ADAM22: variants seen among roughly 807,000 people sequenced by gnomAD.
The protein encoded by ADAM22 is disintegrin and metalloproteinase domain-containing protein 22.
In ADAM22, 65 loss-of-function variants were observed where a neutral mutation model predicts 144.6. That is an observed-to-expected ratio of 0.45 (90% confidence interval 0.37 to 0.55). The LOEUF (loss-of-function observed/expected upper bound fraction) is 0.55, where lower values mean the gene tolerates loss of function less well. ADAM22 is among the 20% of genes least tolerant of loss of function. ADAM22 has a pLI of 0.00. For missense variants in ADAM22, 974 were observed against 1,184.9 expected (o/e 0.82, Z 2.61); for synonymous variants, 391 against 412.6 (o/e 0.95, Z 0.63).
Position 88,133,054 on chromosome 7 carries a change from G to T in ADAM22, c.1077+103G>T, listed in dbSNP as rs1011149843. 3 of 1,022,144 alleles carry T rather than the reference G, an allele frequency of 2.9e-6. No homozygotes were observed. In the East Asian group the frequency reaches 7.4e-5, roughly 25 times the overall value. 63.3% of individuals were successfully genotyped at this position (1,022,144 alleles called of 1,614,324 possible). A position where few individuals can be genotyped will look rare whatever the true frequency, so the allele number is the denominator to read the frequency against. ...CAGTATTCACATACTCCAGATGTTA[G>T]ATTGCTATATTACAAATCAGTATGG... On this transcript the variant is annotated intron_variant, in intron 12 of 31. Coordinates refer to ENST00000413139, the MANE Select transcript of ADAM22 (RefSeq NM_001324418.2).
At chr7:87,978,690 T>G (rs892611994) in intron 3 of ADAM22, among the ~76,000 whole-genome samples, 2 of 152,202 alleles carry the variant, frequency 1.3e-5, no homozygotes, top group African/African-American at 4.8e-5. Flanking sequence ...AACTTAAGTT[T>G]CCTATGAATG....
chr7:87,936,285 G>A (rs1841231642), intron 2 of ADAM22, among the ~76,000 whole-genome samples: 1 of 151,686 alleles, frequency 6.6e-6, no homozygotes, highest in Non-Finnish European at 1.5e-5. Flanking sequence ...GATTATTTTA[G>A]TAGAAAATCC....
At chr7:88,070,400 C>T (rs984883900) in intron 3 of ADAM22, among the ~76,000 whole-genome samples, 1 of 152,170 alleles carries the variant, frequency 6.6e-6, no homozygotes, top group Non-Finnish European at 1.5e-5. Context: ...AGCCTTTAGT[C>T]TGTCTGAGTT....
At chr7:88,159,784 C>G (rs1841049983) in intron 22 of ADAM22, among the ~76,000 whole-genome samples, 1 of 152,072 alleles carries the variant, frequency 6.6e-6, no homozygotes, top group Non-Finnish European at 1.5e-5. Context: ...ATGACAAACC[C>G]ACAGCCAACA....
intron 3 of ADAM22, among the ~76,000 whole-genome samples, chr7:88,052,127 T>C (rs1296656670): frequency 6.6e-6 from 1 of 152,072 alleles, no homozygotes; most frequent in Non-Finnish European, 1.5e-5. Context: ...GTCCCTGCTA[T>C]CCACTTCACT....
At chr7:87,974,064 G>T (rs1319743907) in intron 2 of ADAM22, among the ~76,000 whole-genome samples, 2 of 150,286 alleles carry the variant, frequency 1.3e-5, no homozygotes, top group Non-Finnish European at 3.0e-5. Context: ...TTGTGCACAT[G>T]TACCCTAAAA....
chr7:88,044,810 CTG>C (rs1804141265), intron 3 of ADAM22, among the ~76,000 whole-genome samples: 1 of 152,054 alleles, frequency 6.6e-6, no homozygotes. Context: ...ACTGCAACCT[CTG>C]CCTCCTGGGT....
chr7:88,147,782 A>C (rs932363092), intron 17 of ADAM22, among the ~76,000 whole-genome samples: 2 of 152,158 alleles, frequency 1.3e-5, no homozygotes, highest in Non-Finnish European at 2.9e-5. Context: ...ACTCCTCTAA[A>C]CTACCCCAAA....
At chr7:88,182,230 A>G in intron 29 of ADAM22, 1 of 471,012 alleles carries the variant, frequency 2.1e-6, no homozygotes. Flanking sequence ...ACCAATATTC[A>G]TTGATAGTGG....
chr7:88,032,191 C>T (rs1456272130), intron 3 of ADAM22, among the ~76,000 whole-genome samples: 1 of 152,208 alleles, frequency 6.6e-6, no homozygotes, highest in Non-Finnish European at 1.5e-5. Context: ...ACAACTTGCA[C>T]CATGCACCTG....
chr7:88,150,562 T>G (rs532757429), intron 18 of ADAM22, among the ~76,000 whole-genome samples: 2 of 152,332 alleles, frequency 1.3e-5, no homozygotes, highest in East Asian at 3.9e-4. Context: ...GCTCCATTTA[T>G]GCAGACTTAC....
chr7:87,940,496 C>T (rs906936113), intron 2 of ADAM22, among the ~76,000 whole-genome samples: 1 of 152,036 alleles, frequency 6.6e-6, no homozygotes, highest in East Asian at 1.9e-4. Flanking sequence ...CATTGTAGTT[C>T]TTTTAAATGT....
intron 14 of ADAM22, among the ~76,000 whole-genome samples, chr7:88,137,474 T>A (rs760859692): frequency 2.0e-5 from 3 of 152,184 alleles, no homozygotes; most frequent in Non-Finnish European, 4.4e-5. Flanking sequence ...CTACATAGAT[T>A]TTCAGCTTCT....
At chr7:88,103,735 A>G (rs1331628253) in intron 4 of ADAM22, among the ~76,000 whole-genome samples, 1 of 152,152 alleles carries the variant, frequency 6.6e-6, no homozygotes, top group Non-Finnish European at 1.5e-5. Context: ...CATCTGTCTC[A>G]GATTATTGTA....
rs187026867 is a variant in ADAM22, at chr7:87,993,824, C to T, written c.323+15412C>T. On this transcript the variant is annotated intron_variant, in intron 3 of 31. Coordinates refer to ENST00000413139, the MANE Select transcript of ADAM22 (RefSeq NM_001324418.2). ...CAATAGGTGGTATTTTAGGACAGGG[C>T]AGGATTTTGAGCACTGTGATATCTC... Among the ~76,000 whole-genome samples the T allele has an allele frequency of 2.1e-4, 32 of 152,240 alleles. No homozygotes were observed. The East Asian group carries it at 5.6e-3, about 27-fold the overall frequency.
At chr7:88,051,477 C>T (rs1249462121) in intron 3 of ADAM22, among the ~76,000 whole-genome samples, 2 of 151,780 alleles carry the variant, frequency 1.3e-5, no homozygotes, top group East Asian at 1.9e-4. Flanking sequence ...CGCATGTTCT[C>T]ACTCATAGGT....
chr7:87,981,477 A>G (rs928191347), intron 3 of ADAM22, among the ~76,000 whole-genome samples: 1 of 152,112 alleles, frequency 6.6e-6, no homozygotes, highest in African/African-American at 2.4e-5. Flanking sequence ...GAGGACAACT[A>G]GGAACTGAAG....
chr7:87,938,434 G>C (rs570646010), intron 2 of ADAM22, among the ~76,000 whole-genome samples: 1 of 151,540 alleles, frequency 6.6e-6, no homozygotes, highest in Non-Finnish European at 1.5e-5. Flanking sequence ...GGCCAGGCTG[G>C]TCTAGAACTC....
chr7:88,079,179 G>A (rs1168129019), intron 4 of ADAM22, among the ~76,000 whole-genome samples: 3 of 152,142 alleles, frequency 2.0e-5, no homozygotes, highest in Admixed American at 6.5e-5. Context: ...AGAAGAGAGT[G>A]GGGGCCAATA....
Sources: gnomAD v4.1 joint callset for allele counts (sites outside exome capture counted in the v4.1 genomes callset) on GRCh38, gnomAD v4.1.1 for gene constraint, MANE v1.5 for transcripts, NCBI Gene and HGNC (gene_info 2026-07-23, HGNC 2026-07-21) for gene names.